ZMAT4: variants seen among roughly 807,000 people sequenced by gnomAD.
ZMAT4 encodes zinc finger matrin-type protein 4.
A neutral mutation model predicts 28.7 loss-of-function variants in ZMAT4; 17 were observed. That is an observed-to-expected ratio of 0.59 (90% CI 0.41 to 0.89). The LOEUF (loss-of-function observed/expected upper bound fraction) is 0.89, where lower values mean the gene tolerates loss of function less well. Among genes scored for constraint, ZMAT4 ranks in the 40% least tolerant of loss-of-function variants. The pLI is 0.00. For synonymous variants in ZMAT4, 117 were observed against 109.2 expected (o/e 1.07, Z -0.44); for missense variants, 240 against 283.8 (o/e 0.85, Z 1.11).
At chr8:40,810,252 T>C (rs961561985) in intron 2 of ZMAT4, among the ~76,000 whole-genome samples, 1 of 152,204 alleles carries the variant, frequency 6.6e-6, no homozygotes, top group Non-Finnish European at 1.5e-5. Flanking sequence ...AGTATTCACA[T>C]GGATTCAAAA....
chr8:40,852,674 T>C (rs1817154783), intron 1 of ZMAT4, among the ~76,000 whole-genome samples: 1 of 152,198 alleles, frequency 6.6e-6, no homozygotes, highest in Non-Finnish European at 1.5e-5. Flanking sequence ...TTGTACTCCA[T>C]TGTAAAACTT....
chr8:40,717,068 A>G (rs1810888543), intron 3 of ZMAT4, among the ~76,000 whole-genome samples: 1 of 152,214 alleles, frequency 6.6e-6, no homozygotes, highest in Non-Finnish European at 1.5e-5. Context: ...GAGCTGAAAC[A>G]TGTTGTATCT....
At chr8:40,807,958 C>T (rs1815160432) in intron 2 of ZMAT4, among the ~76,000 whole-genome samples, 1 of 152,216 alleles carries the variant, frequency 6.6e-6, no homozygotes, top group Non-Finnish European at 1.5e-5. Flanking sequence ...TTTCTTCAAA[C>T]ATGGTCTTGC....
At chr8:40,599,505 G>GT (rs1008504498) in intron 5 of ZMAT4, among the ~76,000 whole-genome samples, 6 of 152,260 alleles carry the variant, frequency 3.9e-5, no homozygotes, top group East Asian at 1.9e-4. Flanking sequence ...CCAAAGAAGG[G>GT]TTTTTTTAGT....
At chr8:40,619,628 C>T (rs1042196862) in intron 5 of ZMAT4, among the ~76,000 whole-genome samples, 1 of 152,194 alleles carries the variant, frequency 6.6e-6, no homozygotes, top group African/African-American at 2.4e-5. Flanking sequence ...CATGCAGGGG[C>T]AAGGTCCAAG....
At chr8:40,832,114 A>C (rs1287564289) in intron 1 of ZMAT4, among the ~76,000 whole-genome samples, 3 of 152,132 alleles carry the variant, frequency 2.0e-5, no homozygotes, top group Non-Finnish European at 4.4e-5. Context: ...CTCTGTCCTC[A>C]GCACTGGGCA....
At chr8:40,666,817 C>A (rs1165561551) in intron 5 of ZMAT4, among the ~76,000 whole-genome samples, 2 of 151,732 alleles carry the variant, frequency 1.3e-5, no homozygotes, top group African/African-American at 2.4e-5. Context: ...ATCAATATAT[C>A]GGAAAAAATC....
intron 2 of ZMAT4, among the ~76,000 whole-genome samples, chr8:40,807,138 C>A (rs374684915): frequency 0.043 from 3,817 of 89,460 alleles, 111 homozygotes; most frequent in African/African-American, 0.12. Flanking sequence ...GGGGTGAGGA[C>A]AAAAAAAAAA....
At chr8:40,708,571 T>TCTCTCTCTC (rs1810463131) in intron 3 of ZMAT4, among the ~76,000 whole-genome samples, 5 of 120,978 alleles carry the variant, frequency 4.1e-5, no homozygotes, top group Non-Finnish European at 6.7e-5. Context: ...TACACACTCT[T>TCTCTCTCTC]TCTCTCTCTC....
In ZMAT4 at chr8:40,615,793, C is replaced by T. The variant is rs552599289; in HGVS notation, c.578-34532G>A. Among the ~76,000 whole-genome samples the T allele has an allele frequency of 2.0e-4, 31 of 152,286 alleles. No individual in the cohort carries two copies. The East Asian group carries it at 5.2e-3, about 26-fold the overall frequency. On this transcript the variant is annotated intron_variant, in intron 5 of 6. Transcript: ENST00000297737. ...TCAGCTCCATCAGGTCATTTAAGGA[C>T]TTCTCTACACTGATTATTCTAGTTA...
chr8:40,781,569 C>T (rs1813825843), intron 2 of ZMAT4, among the ~76,000 whole-genome samples: 1 of 150,174 alleles, frequency 6.7e-6, no homozygotes, highest in Non-Finnish European at 1.5e-5. Context: ...GAGACCATCC[C>T]GGCTAAAACG....
intron 5 of ZMAT4, among the ~76,000 whole-genome samples, chr8:40,600,528 C>A (rs186383556): frequency 6.6e-6 from 1 of 152,286 alleles, no homozygotes; most frequent in Non-Finnish European, 1.5e-5. Context: ...CTCAGCCTCG[C>A]CTTTGACAGT....
intron 5 of ZMAT4, among the ~76,000 whole-genome samples, chr8:40,653,516 A>G (rs1807780138): frequency 6.6e-6 from 1 of 152,134 alleles, no homozygotes; most frequent in Admixed American, 6.6e-5. Flanking sequence ...ATCTAGCTAA[A>G]TTGACAAGAA....
intron 5 of ZMAT4, among the ~76,000 whole-genome samples, chr8:40,658,619 T>TACACACACACACAC (rs3038825): frequency 1.2e-4 from 18 of 145,496 alleles, no homozygotes; most frequent in African/African-American, 3.9e-4. Flanking sequence ...GTTAGACACA[T>TACACACACACACAC]ACACACACAC....
chr8:40,569,528 C>T (rs1479418510), intron 6 of ZMAT4, among the ~76,000 whole-genome samples: 1 of 152,224 alleles, frequency 6.6e-6, no homozygotes. Flanking sequence ...CTGGGCTGCT[C>T]AGAGGAGAAG....
rs748253436 is a variant in ZMAT4 at position 40,895,634 on chromosome 8, C to G, written c.-5+2049G>C. ...CAAGGCCCCCTCCGCCCCCTCCCCCCACACTGCCTCTTCCCTCTGTGCATG... is the reference window on the plus strand; with the variant it reads ...CAAGGCCCCCTCCGCCCCCTCCCCCGACACTGCCTCTTCCCTCTGTGCATG... On this transcript the variant is annotated intron_variant, in intron 1 of 6. Transcript: ENST00000297737. 2.6e-5 allele frequency among the ~76,000 whole-genome samples: 4 copies of G among 152,188 alleles called. No homozygotes were observed. The South Asian group carries it at 8.3e-4, about 32-fold the overall frequency.
chr8:40,685,777 T>G (rs763554325), intron 4 of ZMAT4, among the ~76,000 whole-genome samples: 2 of 152,144 alleles, frequency 1.3e-5, no homozygotes, highest in African/African-American at 2.4e-5. Context: ...ATCTGCATTT[T>G]GCAAGAGGCT....
chr8:40,606,521 C>T (rs1380985558), intron 5 of ZMAT4, among the ~76,000 whole-genome samples: 2 of 152,222 alleles, frequency 1.3e-5, no homozygotes, highest in Non-Finnish European at 2.9e-5. Context: ...TGCCTTCTGG[C>T]ATGCAGGGTT....
chr8:40,546,923 G>A (rs1227675215), intron 6 of ZMAT4, among the ~76,000 whole-genome samples: 3 of 152,096 alleles, frequency 2.0e-5, no homozygotes, highest in Non-Finnish European at 4.4e-5. Context: ...TAGTAGAGTA[G>A]ATTTTTAGAA....
Sources: gnomAD v4.1 joint callset for allele counts (sites outside exome capture counted in the v4.1 genomes callset) on GRCh38, gnomAD v4.1.1 for gene constraint, MANE v1.5 for transcripts, NCBI Gene and HGNC (gene_info 2026-07-23, HGNC 2026-07-21) for gene names.